Variants in FARS2 observed in about 807,000 individuals in gnomAD.
FARS2 encodes the protein phenylalanyl-tRNA synthetase 2, mitochondrial.
FARS2 carries 40 observed loss-of-function variants against 46.4 expected under a neutral mutation model. That is an observed-to-expected ratio of 0.86 (90% CI 0.67 to 1.12). FARS2 has a LOEUF of 1.12. Ranked by LOEUF, FARS2 falls within the 50% of genes most tolerant of loss-of-function variation. FARS2 has a pLI of 0.00. For synonymous variants in FARS2, 234 were observed against 214.9 expected (o/e 1.09, Z -0.78); for missense variants, 513 against 567.9 (o/e 0.90, Z 0.98).
intron 4 of FARS2, among the ~76,000 whole-genome samples, chr6:5,511,837 A>G (rs961298916): frequency 7.2e-5 from 11 of 152,182 alleles, no homozygotes; most frequent in Admixed American, 6.5e-4. Context: ...GGCTGCTGAG[A>G]ACCCTAAATA....
At chr6:5,291,545 ATTAT>A (rs1462502955) in intron 1 of FARS2, among the ~76,000 whole-genome samples, 1 of 152,236 alleles carries the variant, frequency 6.6e-6, no homozygotes, top group African/African-American at 2.4e-5. Flanking sequence ...ACAAAAAATA[ATTAT>A]TTAGTCTTTC....
chr6:5,663,672 G>A (rs1351617418), intron 6 of FARS2, among the ~76,000 whole-genome samples: 2 of 152,166 alleles, frequency 1.3e-5, no homozygotes, highest in Non-Finnish European at 2.9e-5. Context: ...GGGGTGGCGC[G>A]GGCTCCATGG....
At chr6:5,433,252 C>CA (rs1763333809) in intron 4 of FARS2, among the ~76,000 whole-genome samples, 3 of 152,184 alleles carry the variant, frequency 2.0e-5, no homozygotes, top group Admixed American at 2.0e-4. Context: ...GATACACCCT[C>CA]AGAGTTCCAT....
At chr6:5,561,059 T>C (rs942564076) in intron 5 of FARS2, among the ~76,000 whole-genome samples, 1 of 151,970 alleles carries the variant, frequency 6.6e-6, no homozygotes, top group African/African-American at 2.4e-5. Context: ...TGAACCCAGG[T>C]GGTAGAAGTT....
chr6:5,403,910 CTT>C (rs1462649195), intron 2 of FARS2, among the ~76,000 whole-genome samples: 2 of 152,120 alleles, frequency 1.3e-5, no homozygotes, highest in Non-Finnish European at 2.9e-5. Flanking sequence ...ATGAGGAAAA[CTT>C]ATTTAGCCAT....
chr6:5,626,192 C>T (rs1776021633), intron 6 of FARS2, among the ~76,000 whole-genome samples: 1 of 152,072 alleles, frequency 6.6e-6, no homozygotes, highest in South Asian at 2.1e-4. Context: ...GGAACTACCT[C>T]AAGGAAAAGG....
At chr6:5,560,708 G>A (rs1301727281) in intron 5 of FARS2, among the ~76,000 whole-genome samples, 1 of 152,132 alleles carries the variant, frequency 6.6e-6, no homozygotes, top group East Asian at 1.9e-4. Flanking sequence ...TTCTTTTGTG[G>A]AAAGTTTTTA....
chr6:5,718,365 G>A (rs1759661802), intron 6 of FARS2, among the ~76,000 whole-genome samples: 1 of 152,214 alleles, frequency 6.6e-6, no homozygotes, highest in Non-Finnish European at 1.5e-5. Flanking sequence ...TGGGCCCATG[G>A]TGGGATCTTG....
At chr6:5,364,937 G>A (rs1758551706) in intron 1 of FARS2, among the ~76,000 whole-genome samples, 1 of 152,028 alleles carries the variant, frequency 6.6e-6, no homozygotes. Flanking sequence ...GGGGCAGGGA[G>A]CCACTGGAGC....
intron 3 of FARS2, among the ~76,000 whole-genome samples, chr6:5,407,526 C>CAGGAT (rs1222255087): frequency 1.3e-5 from 2 of 151,876 alleles, no homozygotes; most frequent in African/African-American, 4.8e-5. Flanking sequence ...ACATCAACTT[C>CAGGAT]AGGATAATGT....
At chr6:5,479,440 CA>C (rs1420978851) in intron 4 of FARS2, among the ~76,000 whole-genome samples, 1 of 152,144 alleles carries the variant, frequency 6.6e-6, no homozygotes, top group African/African-American at 2.4e-5. Flanking sequence ...TGCGTTTGAC[CA>C]GGGGACAGTC....
intron 6 of FARS2, among the ~76,000 whole-genome samples, chr6:5,688,752 A>G (rs1366968987): frequency 6.6e-6 from 1 of 152,110 alleles, no homozygotes; most frequent in Non-Finnish European, 1.5e-5. Flanking sequence ...TTTTCTATTG[A>G]TTGGAATAGT....
intron 5 of FARS2, among the ~76,000 whole-genome samples, chr6:5,564,097 T>G (rs896018321): frequency 6.6e-6 from 1 of 152,214 alleles, no homozygotes; most frequent in African/African-American, 2.4e-5. Context: ...GGGTAATAAT[T>G]AAGCAAAATA....
intron 6 of FARS2, among the ~76,000 whole-genome samples, chr6:5,742,066 G>T (rs1378672735): frequency 6.6e-6 from 1 of 152,224 alleles, no homozygotes; most frequent in African/African-American, 2.4e-5. Context: ...AAGTTTCTCT[G>T]TAGATCTGGC....
intron 6 of FARS2, among the ~76,000 whole-genome samples, chr6:5,729,700 C>T (rs1384687126): frequency 6.6e-6 from 1 of 151,920 alleles, no homozygotes; most frequent in Non-Finnish European, 1.5e-5. Context: ...GTACCTGTGC[C>T]CTCATTTTTT....
At chr6:5,697,344 G>T (rs997264067) in intron 6 of FARS2, among the ~76,000 whole-genome samples, 1 of 152,202 alleles carries the variant, frequency 6.6e-6, no homozygotes, top group Non-Finnish European at 1.5e-5. Context: ...ACGTATAAGA[G>T]AATCTGAGAA....
At chr6:5,752,731 A>T (rs557585149) in intron 6 of FARS2, among the ~76,000 whole-genome samples, 1 of 152,212 alleles carries the variant, frequency 6.6e-6, no homozygotes, top group African/African-American at 2.4e-5. Context: ...CCAGAGAGAG[A>T]TCTTAGTGGT....
At chr6:5,632,049 A>G (rs1450440520) in intron 6 of FARS2, among the ~76,000 whole-genome samples, 2 of 152,194 alleles carry the variant, frequency 1.3e-5, no homozygotes, top group African/African-American at 4.8e-5. Flanking sequence ...ACGAGCCATA[A>G]TTTCAAACTT....
chr6:5,561,138 AAAAC>A (rs1025151143), intron 5 of FARS2, among the ~76,000 whole-genome samples: 28 of 152,182 alleles, frequency 1.8e-4, no homozygotes, highest in Non-Finnish European at 3.7e-4. Context: ...CTCAAAAACA[AAAAC>A]AAACAAACAA....
Sources: gnomAD v4.1 joint callset for allele counts (sites outside exome capture counted in the v4.1 genomes callset) on GRCh38, gnomAD v4.1.1 for gene constraint, MANE v1.5 for transcripts, NCBI Gene and HGNC (gene_info 2026-07-23, HGNC 2026-07-21) for gene names.